Variants in INVS observed in about 807,000 individuals in gnomAD.
INVS encodes inversin.
A neutral mutation model predicts 108.8 loss-of-function variants in INVS; 86 were observed. That is an observed-to-expected ratio of 0.79 (90% CI 0.66 to 0.95). INVS has a LOEUF of 0.95. INVS is among the 40% of genes least tolerant of loss of function. INVS has a pLI of 0.00. For synonymous variants in INVS, 455 were observed against 473.5 expected (o/e 0.96, Z 0.51); for missense variants, 1,169 against 1,297.4 (o/e 0.90, Z 1.52).
intron 3 of INVS, among the ~76,000 whole-genome samples, chr9:100,149,934 A>C (rs1828756133): frequency 6.6e-6 from 1 of 152,170 alleles, no homozygotes; most frequent in Non-Finnish European, 1.5e-5. Context: ...GTGACAAATT[A>C]TCCTGATTTG....
chr9:100,259,089 G>A (rs1024509099), intron 10 of INVS, among the ~76,000 whole-genome samples: 15 of 152,168 alleles, frequency 9.9e-5, no homozygotes, highest in Admixed American at 2.6e-4. Context: ...CTGGCCGGCC[G>A]CTTTGTTTAC....
chr9:100,157,267 C>CTTTTTTTTTTTTTT lies in INVS; in HGVS notation c.273+30720_273+30733dup, dbSNP rs770493291. Among the ~76,000 whole-genome samples the CTTTTTTTTTTTTTT allele has an allele frequency of 1.7e-4, 22 of 130,090 alleles. 1 individual carries two copies. The highest frequency in any genetic ancestry group is 5.9e-4 in the African/African-American group (18 of 30,498). 85.3% of individuals were successfully genotyped at this position (130,090 alleles called of 152,430 possible). On this transcript the variant is annotated intron_variant, in intron 3 of 16. Transcript: ENST00000262457. Reference sequence around the variant, plus strand: ...GAAATAGTAAAAATTTCTTTTTTTTCTTTTTTTTTTTTTTTGAGGCAGAGT... The same window carrying CTTTTTTTTTTTTTT: ...GAAATAGTAAAAATTTCTTTTTTTTCTTTTTTTTTTTTTTTTTTTTTTTTTTTTTGAGGCAGAGT...
chr9:100,274,391 T>C (rs1833054685), intron 12 of INVS, among the ~76,000 whole-genome samples: 1 of 152,182 alleles, frequency 6.6e-6, no homozygotes, highest in Non-Finnish European at 1.5e-5. Flanking sequence ...TTTTAGATTA[T>C]ACTTAGGTTT....
intron 3 of INVS, among the ~76,000 whole-genome samples, chr9:100,176,516 G>A (rs932658638): frequency 6.6e-6 from 1 of 152,050 alleles, no homozygotes; most frequent in African/African-American, 2.4e-5. Context: ...TCGCACTGCT[G>A]CCTGGGCTAG....
At chr9:100,145,751 G>A (rs1828587492) in intron 3 of INVS, among the ~76,000 whole-genome samples, 1 of 152,176 alleles carries the variant, frequency 6.6e-6, no homozygotes. Flanking sequence ...GTCCCCACGT[G>A]ATTAAACACC....
At chr9:100,226,514 T>C (rs1476512418) in intron 4 of INVS, among the ~76,000 whole-genome samples, 1 of 151,932 alleles carries the variant, frequency 6.6e-6, no homozygotes, top group African/African-American at 2.4e-5. Context: ...GAACTAGAAT[T>C]CAAATCTAGT....
At chr9:100,245,076 G>T (rs1409964299) in intron 7 of INVS, among the ~76,000 whole-genome samples, 2 of 152,004 alleles carry the variant, frequency 1.3e-5, no homozygotes, top group South Asian at 2.1e-4. Flanking sequence ...ATACATTTTT[G>T]ATCAGATCAC....
At chr9:100,166,135 A>G (rs1179153094) in intron 3 of INVS, among the ~76,000 whole-genome samples, 4 of 152,206 alleles carry the variant, frequency 2.6e-5, no homozygotes, top group African/African-American at 4.8e-5. Context: ...CTAGATGAAA[A>G]ACCTGAGATG....
At chr9:100,175,722 A>T in intron 3 of INVS, 1 of 627,572 alleles carries the variant, frequency 1.6e-6, no homozygotes, top group Non-Finnish European at 3.0e-6. Flanking sequence ...GAACCTTTCA[A>T]TGCAGAGCAA....
In INVS at chr9:100,099,305, G is replaced by C. The variant is rs1008210608; in HGVS notation, c.-136G>C. On this transcript the variant is annotated 5_prime_UTR_variant, in exon 1 of 17. Transcript: ENST00000262457. Reference sequence around the variant, plus strand: ...GAGGGGCTCGGCTAGCTTCAGCGCCGTGGGGTCTGACCTGGCTGGATATAG... The same window carrying C: ...GAGGGGCTCGGCTAGCTTCAGCGCCCTGGGGTCTGACCTGGCTGGATATAG... 6.3e-6 allele frequency: 1 copy of C among 158,934 alleles called. No individual in the cohort carries two copies. The highest frequency in any genetic ancestry group is 3.2e-3 in the Middle Eastern group (1 of 316). 9.8% of individuals were successfully genotyped at this position (158,934 alleles called of 1,614,324 possible). A position where few individuals can be genotyped will look rare whatever the true frequency, so the allele number is the denominator to read the frequency against.
intron 3 of INVS, among the ~76,000 whole-genome samples, chr9:100,173,598 G>T (rs1476232607): frequency 6.6e-6 from 1 of 152,118 alleles, no homozygotes; most frequent in African/African-American, 2.4e-5. Context: ...GCATGGTGGT[G>T]CATGCCTATA....
At chr9:100,198,438 T>A (rs1005365654) in intron 3 of INVS, among the ~76,000 whole-genome samples, 1 of 151,122 alleles carries the variant, frequency 6.6e-6, no homozygotes, top group Non-Finnish European at 1.5e-5. Context: ...ATTACAGGCA[T>A]GCACCACCAG....
chr9:100,293,638 T>C (rs537522697), intron 14 of INVS, among the ~76,000 whole-genome samples: 2 of 152,292 alleles, frequency 1.3e-5, no homozygotes, highest in South Asian at 2.1e-4. Context: ...TCAAAATACA[T>C]AGTAGGCACT....
chr9:100,173,927 A>C (rs554841044), intron 3 of INVS, among the ~76,000 whole-genome samples: 2 of 152,252 alleles, frequency 1.3e-5, no homozygotes, highest in Non-Finnish European at 2.9e-5. Context: ...CCTATGCAGG[A>C]AAAACATAAT....
intron 2 of INVS, among the ~76,000 whole-genome samples, chr9:100,123,518 G>A (rs895480055): frequency 9.9e-5 from 15 of 152,134 alleles, no homozygotes; most frequent in African/African-American, 3.6e-4. Flanking sequence ...AATAGCTTAT[G>A]GATACTTGCA....
intron 3 of INVS, among the ~76,000 whole-genome samples, chr9:100,168,146 C>A (rs1829424679): frequency 6.6e-6 from 1 of 152,026 alleles, no homozygotes; most frequent in Non-Finnish European, 1.5e-5. Flanking sequence ...GAGGCTGGAG[C>A]ATTTGCATCT....
At chr9:100,237,441 C>T (rs1421845499) in intron 5 of INVS, among the ~76,000 whole-genome samples, 4 of 152,122 alleles carry the variant, frequency 2.6e-5, no homozygotes, top group African/African-American at 9.7e-5. Flanking sequence ...AGTGTCTGCC[C>T]AAACGGCCAC....
intron 1 of INVS, among the ~76,000 whole-genome samples, chr9:100,100,701 C>CATATATAATATATATATTATATGTAT (rs376899033): frequency 1.0e-4 from 1 of 9,888 alleles, no homozygotes; most frequent in Non-Finnish European, 1.4e-4. Flanking sequence ...TATATATGTA[C>CATATATAATATATATATTATATGTAT]ATATAATATA....
At chr9:100,100,200 A>T (rs906645013) in intron 1 of INVS, among the ~76,000 whole-genome samples, 1 of 151,682 alleles carries the variant, frequency 6.6e-6, no homozygotes, top group South Asian at 2.1e-4. Context: ...AAAATGATTT[A>T]TTTTCTTAAA....
Sources: gnomAD v4.1 joint callset for allele counts (sites outside exome capture counted in the v4.1 genomes callset) on GRCh38, gnomAD v4.1.1 for gene constraint, MANE v1.5 for transcripts, NCBI Gene and HGNC (gene_info 2026-07-23, HGNC 2026-07-21) for gene names.